Variants in NCAM1 observed in about 807,000 individuals in gnomAD.
NCAM1 encodes the protein antigen recognized by monoclonal antibody 5.1H11.
In NCAM1, 14 loss-of-function variants were observed where a neutral mutation model predicts 109.8. The observed-to-expected ratio is 0.13, with a 90% CI of 0.08 to 0.20. The LOEUF is 0.20. NCAM1 is among the 10% of genes least tolerant of loss of function. The pLI, the probability that NCAM1 is intolerant of heterozygous loss-of-function variation, is 1.00. For missense variants in NCAM1, 774 were observed against 1,109.9 expected, an observed-to-expected ratio of 0.70 and a Z score of 4.30; for synonymous variants, 418 against 442.9, an observed-to-expected ratio of 0.94 and a Z score of 0.70.
At chr11:112,982,538 TAG>T (rs1951180715) in intron 1 of NCAM1, among the ~76,000 whole-genome samples, 2 of 151,368 alleles carry the variant, frequency 1.3e-5, no homozygotes, top group Admixed American at 1.3e-4. Flanking sequence ...AGTCAGGGGG[TAG>T]GAGGAGCTAC....
intron 1 of NCAM1, among the ~76,000 whole-genome samples, chr11:112,979,149 C>T (rs1555068198): frequency 6.6e-6 from 1 of 151,108 alleles, no homozygotes; most frequent in Non-Finnish European, 1.5e-5. Flanking sequence ...GTTTGGGTTG[C>T]TGTTCTGAAG....
intron 14 of NCAM1, among the ~76,000 whole-genome samples, chr11:113,236,686 A>T (rs948888323): frequency 6.6e-6 from 1 of 152,216 alleles, no homozygotes; most frequent in African/African-American, 2.4e-5. Flanking sequence ...TTCAGCCAGG[A>T]TGCCGGGAAA....
intron 18 of NCAM1, 75 bp from the exon 19 acceptor site, chr11:113,271,685 A>G: frequency 1.7e-6 from 2 of 1,143,730 alleles, no homozygotes; most frequent in South Asian, 2.9e-5. Context: ...CCTTGGGTTG[A>G]GTCATAGCTG....
At position 113,173,846 on chromosome 11, in the gene NCAM1, C is replaced by T. The variant is rs1448120598; in HGVS notation, c.53-28533C>T. Among the ~76,000 whole-genome samples, 7 of 151,824 alleles carry T rather than the reference C, an allele frequency of 4.6e-5. No individual in the cohort carries two copies. In the South Asian group the frequency reaches 8.3e-4, roughly 18 times the overall value. On this transcript the variant is annotated intron_variant, in intron 1 of 19. Coordinates refer to ENST00000316851, the MANE Select transcript of NCAM1 (RefSeq NM_181351.5). ...GTCAGCACGGCAGGGCTGGTGGCCT[C>T]GGGCAGCAGGTTACTGTGCTTTATG...
chr11:113,165,042 A>T (rs1555105036), intron 1 of NCAM1, among the ~76,000 whole-genome samples: 1 of 152,126 alleles, frequency 6.6e-6, no homozygotes, highest in East Asian at 1.9e-4. Flanking sequence ...ATATGTTTCT[A>T]ATTTTGTCAC....
At chr11:113,129,086 T>A (rs1299099427) in intron 1 of NCAM1, among the ~76,000 whole-genome samples, 2 of 152,126 alleles carry the variant, frequency 1.3e-5, no homozygotes, top group Non-Finnish European at 1.5e-5. Context: ...GCTTTTTGCC[T>A]TCTCATTGGA....
intron 1 of NCAM1, among the ~76,000 whole-genome samples, chr11:113,049,710 C>T (rs868964749): frequency 5.2e-4 from 79 of 152,302 alleles, no homozygotes; most frequent in African/African-American, 1.8e-3. Flanking sequence ...AGAAAAATAG[C>T]AGGGGCTCTA....
chr11:113,273,564 C>G lies in NCAM1; in HGVS notation c.2456+1688C>G, dbSNP rs1555125948. 4.9e-6 allele frequency: 2 copies of G among 405,084 alleles called. No individual in the cohort carries two copies. Among genetic ancestry groups the G allele is most frequent in the African/African-American group, 2.1e-5 (1 of 48,646 alleles). The allele number at this position is 405,084 out of a possible 1,614,324, so 25.1% of individuals were successfully genotyped here. The stretch of plus-strand genomic sequence containing the variant: ...GGCTGCCTCCGTCAGCACCACAAAC[C>G]CTTCCCAGGGCGAGGACTTTAAAAT... On this transcript the variant is annotated intron_variant, in intron 19 of 19. Transcript: ENST00000316851. The surrounding 1 kb of genome is among the most constrained non-coding windows in gnomAD (Gnocchi z 6.0).
At chr11:113,165,286 T>C (rs1321278459) in intron 1 of NCAM1, among the ~76,000 whole-genome samples, 3 of 152,168 alleles carry the variant, frequency 2.0e-5, no homozygotes, top group Admixed American at 1.3e-4. Flanking sequence ...TTAGATGAAT[T>C]TGGAAAAGGC....
intron 1 of NCAM1, among the ~76,000 whole-genome samples, chr11:113,202,001 C>G (rs1555111900): frequency 6.6e-6 from 1 of 152,200 alleles, no homozygotes; most frequent in Non-Finnish European, 1.5e-5. Context: ...GGTTGGGTCA[C>G]CATTTCTGTG....
At chr11:113,177,533 A>C (rs1364986544) in intron 1 of NCAM1, among the ~76,000 whole-genome samples, 2 of 152,096 alleles carry the variant, frequency 1.3e-5, no homozygotes, top group African/African-American at 4.8e-5. Flanking sequence ...TCCCGGGTTC[A>C]AGTGATTCTC....
intron 1 of NCAM1, among the ~76,000 whole-genome samples, chr11:112,970,014 C>T (rs1351054010): frequency 6.6e-6 from 1 of 152,054 alleles, no homozygotes; most frequent in Non-Finnish European, 1.5e-5. Context: ...CTGACCTGGA[C>T]CTCCACAGAT....
intron 1 of NCAM1, among the ~76,000 whole-genome samples, chr11:113,099,395 T>G (rs570554250): frequency 6.6e-6 from 1 of 152,330 alleles, no homozygotes; most frequent in East Asian, 1.9e-4. Flanking sequence ...TTGAATTTGG[T>G]TCTCGTGAGT....
intron 1 of NCAM1, among the ~76,000 whole-genome samples, chr11:112,999,178 T>C (rs578173686): frequency 6.6e-6 from 1 of 152,342 alleles, no homozygotes; most frequent in Non-Finnish European, 1.5e-5. Flanking sequence ...TGATATTGTA[T>C]GTAATACTGA....
chr11:113,271,781 C>T lies in NCAM1; in HGVS notation c.2361C>T (p.Pro787=), dbSNP rs202190916. ...ACAGGAAAGATGAGTCCAAGGAGCC[C>T]ATCGTGGAGGTTCGAACGGAGGAGG... ...AAFSKDESKE[P]IVEVRTEEER... The change falls in exon 19 of 20, where the codon CCC becomes CCT. Residue 787 remains proline, a synonymous_variant. Transcript: ENST00000316851. 1.1e-4 allele frequency: 165 copies of T among 1,560,764 alleles called. No homozygotes were observed. The highest frequency in any genetic ancestry group is 1.4e-4 in the Non-Finnish European group (158 of 1,152,460).
chr11:113,240,832 T>G (rs368265862), intron 14 of NCAM1: 8 of 1,612,902 alleles, frequency 5.0e-6, no homozygotes, highest in East Asian at 2.2e-5. Context: ...CTCCACCAGA[T>G]AGTGAGTATC....
intron 3 of NCAM1, among the ~76,000 whole-genome samples, chr11:113,204,845 G>T (rs1028009475): frequency 6.6e-5 from 10 of 152,132 alleles, no homozygotes; most frequent in Admixed American, 6.5e-4. Flanking sequence ...GCTGGTAATG[G>T]AGCCCAGGGC....
rs372717893 is a variant in NCAM1 at position 113,271,832 on chromosome 11, G to A, written c.2412G>A (p.Gly804=). Residue 804 remains glycine (G), a synonymous_variant, in exon 19 of 20, where the codon GGG becomes GGA. Coordinates refer to ENST00000316851, the MANE Select transcript of NCAM1 (RefSeq NM_181351.5). ...AGAGGACCCCAAACCATGATGGAGG[G>A]AAACACACAGAGCCCAACGAGACCA... ...EEERTPNHDG[G]KHTEPNETTP... The A allele has an allele frequency of 3.2e-6, 5 of 1,572,936 alleles. No homozygotes were observed. In the African/African-American group the frequency reaches 5.4e-5, roughly 17 times the overall value.
At chr11:113,094,884 C>A (rs141826808) in intron 1 of NCAM1, among the ~76,000 whole-genome samples, 1 of 152,300 alleles carries the variant, frequency 6.6e-6, no homozygotes, top group African/African-American at 2.4e-5. Context: ...AAAGGAAAAT[C>A]TTTAATATTA....
Sources: allele counts gnomAD v4.1 joint callset (sites outside exome capture counted in the v4.1 genomes callset), GRCh38; gene constraint gnomAD v4.1.1; non-coding constraint Gnocchi (gnomAD v3.1); transcripts MANE v1.5; gene names NCBI Gene and HGNC (gene_info 2026-07-23, HGNC 2026-07-21).